Variants in UEVLD observed in about 807,000 individuals in gnomAD.
UEVLD encodes ubiquitin-conjugating enzyme E2 variant 3.
In UEVLD, 47 loss-of-function variants were observed where a neutral mutation model predicts 58.6. That is an observed-to-expected ratio of 0.80 (90% confidence interval 0.63 to 1.02). UEVLD has a LOEUF of 1.02. Among genes scored for constraint, UEVLD ranks in the 50% least tolerant of loss-of-function variants. The pLI, the probability that UEVLD is intolerant of heterozygous loss-of-function variation, is 0.00. For missense variants in UEVLD, 510 were observed against 550.6 expected, an observed-to-expected ratio of 0.93 and a Z score of 0.74; for synonymous variants, 197 against 195.3, an observed-to-expected ratio of 1.01 and a Z score of -0.07.
chr11:18,582,673 G>A (rs1458597885), intron 1 of UEVLD, among the ~76,000 whole-genome samples: 1 of 151,978 alleles, frequency 6.6e-6, no homozygotes, highest in African/African-American at 2.4e-5. Flanking sequence ...TCTTCTTAGT[G>A]TAATATTAAG....
chr11:18,575,661 G>A (rs1250040846), intron 2 of UEVLD, among the ~76,000 whole-genome samples: 2 of 152,148 alleles, frequency 1.3e-5, no homozygotes, highest in Admixed American at 6.5e-5. Flanking sequence ...AAGTTCTAGG[G>A]CCACCTTCCC....
chr11:18,575,365 T>C lies in UEVLD; in HGVS notation c.175A>G (p.Ile59Val), dbSNP rs189431462. The C allele has an allele frequency of 1.3e-5, 21 of 1,608,924 alleles. No individual in the cohort carries two copies. Among genetic ancestry groups the C allele is most frequent in the Admixed American group, 1.0e-4 (6 of 58,676 alleles). The part of the protein sequence containing the change: ...QKDLLNFTGT[I>V]PVMYQGNTYN... ...CACTTACCCTGATACATCACAGGAA[T>C]TGTGCCAGTAAAATTCAGCAGGTCT... Residue 59 changes from isoleucine to valine, a missense_variant, in exon 3 of 12, where the codon ATT becomes GTT. Transcript: ENST00000396197.
chr11:18,562,298 T>C (rs1852072964), intron 6 of UEVLD, among the ~76,000 whole-genome samples: 1 of 152,016 alleles, frequency 6.6e-6, no homozygotes, highest in Non-Finnish European at 1.5e-5. Flanking sequence ...TCCCAGCACT[T>C]TGGGAGGCTG....
chr11:18,573,328 C>A (rs140996126), intron 3 of UEVLD, among the ~76,000 whole-genome samples: 1 of 152,194 alleles, frequency 6.6e-6, no homozygotes, highest in Non-Finnish European at 1.5e-5. Flanking sequence ...TAAGAATTAG[C>A]CTTTATCTCT....
intron 7 of UEVLD, among the ~76,000 whole-genome samples, chr11:18,549,326 A>G (rs182023635): frequency 1.1e-4 from 17 of 152,304 alleles, no homozygotes; most frequent in Admixed American, 2.6e-4. Context: ...GCCCCAGGCT[A>G]TTGTGATTAT....
At position 18,588,623 on chromosome 11, in the gene UEVLD, A is replaced by G; in HGVS notation, c.32T>C (p.Leu11Pro). MEFDCEGLRRLLGKYKFRDLT... is the reference protein window; with the variant it reads MEFDCEGLRRPLGKYKFRDLT... ...GCGGACTGCCCGCACCTTGCCAAGC[A>G]GCCGTCTCAGGCCCTCGCAGTCGAA... The change falls in exon 1 of 12, where the codon CTG (leucine) becomes CCG (proline). Residue 11 changes from leucine (L) to proline (P), a missense_variant. Leu to Pro is a moderately conservative substitution (Grantham distance 98, BLOSUM62 -3). Coordinates refer to ENST00000396197, the MANE Select transcript of UEVLD (RefSeq NM_001040697.4). 1.9e-6 allele frequency: 3 copies of G among 1,610,376 alleles called. No individual in the cohort carries two copies. The highest frequency in any genetic ancestry group is 2.5e-6 in the Non-Finnish European group (3 of 1,179,858).
chr11:18,575,347 C>A lies in UEVLD; in HGVS notation c.193G>T (p.Gly65Cys). 6.2e-7 allele frequency: 1 copy of A among 1,606,440 alleles called. No individual in the cohort carries two copies. The highest frequency in any genetic ancestry group is 8.5e-7 in the Non-Finnish European group (1 of 1,178,056). Residue 65 changes from glycine (G) to cysteine (C), a missense_variant and splice_region_variant, in exon 3 of 12, where the codon GGT (glycine) becomes TGT (cysteine). Gly to Cys is a radical substitution (Grantham distance 159, BLOSUM62 -3). Coordinates refer to ENST00000396197, the MANE Select transcript of UEVLD (RefSeq NM_001040697.4). ...ACATTTTTTCAACTTCCACACTTAC[C>A]CTGATACATCACAGGAATTGTGCCA... ...FTGTIPVMYQ[G>C]NTYNIPIRFW... is the part of the protein sequence containing the mutation.
chr11:18,554,541 A>C (rs1391818621), intron 7 of UEVLD, among the ~76,000 whole-genome samples: 3 of 151,384 alleles, frequency 2.0e-5, no homozygotes, highest in Non-Finnish European at 4.4e-5. Flanking sequence ...GGATTACAAG[A>C]ACCCGCCAGC....
chr11:18,572,615 A>T (rs1175886086), intron 3 of UEVLD, among the ~76,000 whole-genome samples: 2 of 152,002 alleles, frequency 1.3e-5, no homozygotes, highest in Non-Finnish European at 2.9e-5. Context: ...GACCAGCCTG[A>T]CCAACATGGA....
At chr11:18,587,401 T>G (rs1406018679) in intron 1 of UEVLD, among the ~76,000 whole-genome samples, 1 of 152,180 alleles carries the variant, frequency 6.6e-6, no homozygotes, top group Non-Finnish European at 1.5e-5. Flanking sequence ...ATCTTAGGAC[T>G]TCAAAACCTC....
rs1438392713 is a variant in UEVLD, at chr11:18,544,719, C to T, written c.964G>A (p.Asp322Asn). Residue 322 changes from aspartate to asparagine, a missense_variant, in exon 9 of 12, where the codon GAT becomes AAT. Transcript: ENST00000396197. ...ATAATATACTGTAATCTCTGTGAAT[C>T]CAGATTACATCCAATTCCGATCACT... is the stretch of plus-strand genomic sequence containing the variant. ...NRVIGIGCNL[D>N]SQRLQYIITN... The T allele has an allele frequency of 1.3e-6, 2 of 1,582,166 alleles. No individual in the cohort carries two copies. The highest frequency in any genetic ancestry group is 4.8e-5 in the East Asian group (2 of 41,516).
intron 9 of UEVLD, among the ~76,000 whole-genome samples, chr11:18,538,539 C>T (rs1850911897): frequency 6.6e-6 from 1 of 151,576 alleles, no homozygotes; most frequent in Admixed American, 6.6e-5. Context: ...TCTCAAACTC[C>T]TGACCTCAAG....
intron 11 of UEVLD, among the ~76,000 whole-genome samples, chr11:18,533,054 TTTCTTTTC>T (rs1565103264): frequency 6.6e-6 from 1 of 150,850 alleles, no homozygotes; most frequent in Non-Finnish European, 1.5e-5. Context: ...TTTCTTTTCT[TTTCTTTTC>T]TTTTTTTTTT....
At chr11:18,587,019 G>C (rs998457612) in intron 1 of UEVLD, among the ~76,000 whole-genome samples, 1 of 151,976 alleles carries the variant, frequency 6.6e-6, no homozygotes, top group Non-Finnish European at 1.5e-5. Context: ...GTGACAGAGC[G>C]AGACTCCGTC....
intron 11 of UEVLD, among the ~76,000 whole-genome samples, chr11:18,533,478 C>G (rs1383459633): frequency 3.1e-5 from 3 of 96,088 alleles, no homozygotes; most frequent in African/African-American, 8.3e-5. Flanking sequence ...TGATAAATGA[C>G]AGTCAGAAGA....
At chr11:18,552,599 C>T (rs1224014753) in intron 7 of UEVLD, among the ~76,000 whole-genome samples, 2 of 151,830 alleles carry the variant, frequency 1.3e-5, no homozygotes, top group African/African-American at 2.4e-5. Flanking sequence ...CGGTGGCTCA[C>T]GCATGTAATC....
At chr11:18,539,673 C>T (rs981840520) in intron 9 of UEVLD, among the ~76,000 whole-genome samples, 1 of 152,106 alleles carries the variant, frequency 6.6e-6, no homozygotes, top group Non-Finnish European at 1.5e-5. Context: ...CACTCAAGCC[C>T]AATCCTAAAG....
intron 6 of UEVLD, among the ~76,000 whole-genome samples, chr11:18,559,080 G>C (rs761132616): frequency 3.3e-5 from 5 of 152,006 alleles, no homozygotes; most frequent in Non-Finnish European, 7.4e-5. Flanking sequence ...CACCATGTTG[G>C]CCAGGCTCAT....
chr11:18,556,829 A>G (rs1430738282), intron 7 of UEVLD, among the ~76,000 whole-genome samples: 1 of 152,154 alleles, frequency 6.6e-6, no homozygotes, highest in Non-Finnish European at 1.5e-5. Context: ...GCGGTGGCTC[A>G]TGACTGTAAT....
Sources: gnomAD v4.1 joint callset for allele counts (sites outside exome capture counted in the v4.1 genomes callset) on GRCh38, gnomAD v4.1.1 for gene constraint, MANE v1.5 for transcripts, NCBI Gene and HGNC (gene_info 2026-07-23, HGNC 2026-07-21) for gene names.